The following FBXL2 variants were observed in gnomAD, a reference collection of about 807,000 sequenced individuals.
FBXL2 encodes F-box/LRR-repeat protein 2.
FBXL2 carries 38 observed loss-of-function variants against 69.2 expected under a neutral mutation model. The observed-to-expected ratio is 0.55, with a 90% confidence interval of 0.42 to 0.72. The LOEUF (loss-of-function observed/expected upper bound fraction) is 0.72. FBXL2 is among the 30% of genes least tolerant of loss of function. FBXL2 has a pLI of 0.00. For missense variants in FBXL2, 354 were observed against 520.3 expected (o/e 0.68, Z 3.11); for synonymous variants, 192 against 201.3 (o/e 0.95, Z 0.39).
chr3:33,326,534 C>T (rs962897711), intron 2 of FBXL2, among the ~76,000 whole-genome samples: 7 of 151,570 alleles, frequency 4.6e-5, no homozygotes, highest in African/African-American at 7.3e-5. Context: ...AAGAAAATAC[C>T]GCATAGAATT....
chr3:33,305,591 G>A (rs993929554), intron 2 of FBXL2, among the ~76,000 whole-genome samples: 5 of 151,954 alleles, frequency 3.3e-5, no homozygotes, highest in African/African-American at 1.2e-4. Flanking sequence ...CAGTATGCAC[G>A]TGTTTTTCTG....
At chr3:33,395,109 A>G (rs1327565666) in intron 12 of FBXL2, among the ~76,000 whole-genome samples, 1 of 152,208 alleles carries the variant, frequency 6.6e-6, no homozygotes, top group Non-Finnish European at 1.5e-5. Flanking sequence ...TAAGCTCTTG[A>G]TGATACATGG....
chr3:33,364,874 C>A (rs1216415612), intron 5 of FBXL2, among the ~76,000 whole-genome samples, 155 bp downstream of exon 5: 6 of 152,140 alleles, frequency 3.9e-5, no homozygotes, highest in Admixed American at 1.3e-4. Flanking sequence ...GAATAGCAAA[C>A]CTGGGTTGGA....
At chr3:33,298,534 C>T (rs1302420085) in intron 2 of FBXL2, among the ~76,000 whole-genome samples, 3 of 151,450 alleles carry the variant, frequency 2.0e-5, no homozygotes, top group Non-Finnish European at 4.4e-5. Context: ...ATTAGCCAGG[C>T]GTGGTGGTGC....
intron 2 of FBXL2, among the ~76,000 whole-genome samples, chr3:33,319,250 A>AT (rs546842766): frequency 9.8e-4 from 143 of 146,240 alleles, no homozygotes; most frequent in African/African-American, 1.8e-3. Flanking sequence ...CCTAAGGATG[A>AT]TTTTTTTTTT....
chr3:33,406,012 A>C (rs896275467), downstream of FBXL2, among the ~76,000 whole-genome samples: 1 of 152,248 alleles, frequency 6.6e-6, no homozygotes, highest in Admixed American at 6.5e-5. Flanking sequence ...CAGCTTTCAA[A>C]AAAGAAATCT....
At chr3:33,361,501 G>A (rs955287456) in intron 4 of FBXL2, among the ~76,000 whole-genome samples, 6 of 151,776 alleles carry the variant, frequency 4.0e-5, no homozygotes, top group African/African-American at 1.5e-4. Flanking sequence ...ACAGAGTGGG[G>A]CCCTGTCTCA....
At chr3:33,300,451 G>T (rs1331480031) in intron 2 of FBXL2, 1 of 152,102 alleles carries the variant, frequency 6.6e-6, no homozygotes, top group Non-Finnish European at 1.5e-5. Flanking sequence ...TTTTCAGAAA[G>T]AATTGCCATT....
At chr3:33,311,817 G>A (rs1486365193) in intron 2 of FBXL2, among the ~76,000 whole-genome samples, 1 of 151,978 alleles carries the variant, frequency 6.6e-6, no homozygotes, top group Non-Finnish European at 1.5e-5. Context: ...GTAGAGACGG[G>A]GTTTCACCGT....
chr3:33,365,187 A>T (rs1159555151), intron 5 of FBXL2, among the ~76,000 whole-genome samples: 1 of 152,006 alleles, frequency 6.6e-6, no homozygotes, highest in Admixed American at 6.6e-5. Flanking sequence ...TCATAATGAG[A>T]TGTGATTTTT....
chr3:33,326,340 A>G (rs1342394129), intron 2 of FBXL2, among the ~76,000 whole-genome samples: 6 of 152,084 alleles, frequency 3.9e-5, no homozygotes, highest in Non-Finnish European at 5.9e-5. Flanking sequence ...CTCAACTAAA[A>G]ATACAAAAAA....
At chr3:33,325,318 C>G (rs748395126) in intron 2 of FBXL2, among the ~76,000 whole-genome samples, 4 of 152,184 alleles carry the variant, frequency 2.6e-5, no homozygotes, top group Non-Finnish European at 5.9e-5. Flanking sequence ...GCCAGAACTT[C>G]CAATACTGTG....
intron 12 of FBXL2, chr3:33,397,675 T>C (rs2044060200): frequency 1.3e-5 from 2 of 152,126 alleles, no homozygotes; most frequent in Admixed American, 1.3e-4. Context: ...CATAAACAAC[T>C]CTGTCACAGC....
intron 4 of FBXL2, among the ~76,000 whole-genome samples, chr3:33,360,540 G>C (rs879647768): frequency 6.6e-6 from 1 of 152,122 alleles, no homozygotes; most frequent in Non-Finnish European, 1.5e-5. Flanking sequence ...AAGGATTCAC[G>C]CCCATCCTGG....
intron 2 of FBXL2, among the ~76,000 whole-genome samples, chr3:33,305,340 A>G (rs947864634): frequency 1.3e-5 from 2 of 151,964 alleles, no homozygotes; most frequent in Non-Finnish European, 1.5e-5. Flanking sequence ...CATATGGATT[A>G]TCAATTTTTT....
intron 5 of FBXL2, among the ~76,000 whole-genome samples, chr3:33,368,645 A>C (rs1027954909): frequency 2.6e-5 from 4 of 151,412 alleles, no homozygotes; most frequent in Non-Finnish European, 5.9e-5. Flanking sequence ...CCCAGGCTGG[A>C]GTGCAGTGGA....
chr3:33,403,896 T>C (rs1441666356), downstream of FBXL2, among the ~76,000 whole-genome samples: 2 of 152,168 alleles, frequency 1.3e-5, no homozygotes, highest in Non-Finnish European at 2.9e-5. Context: ...TTCATAATCA[T>C]CCTTCTCTCA....
chr3:33,360,546 C>T (rs1236583316), intron 4 of FBXL2, among the ~76,000 whole-genome samples: 2 of 152,138 alleles, frequency 1.3e-5, no homozygotes, highest in African/African-American at 4.8e-5. Flanking sequence ...TCACGCCCAT[C>T]CTGGAAAGAT....
At chr3:33,365,121 A>T (rs1012340205) in intron 5 of FBXL2, among the ~76,000 whole-genome samples, 2 of 152,172 alleles carry the variant, frequency 1.3e-5, no homozygotes, top group Admixed American at 1.3e-4. Context: ...AATTTTACTA[A>T]TTGATAAAAT....
Sources: gnomAD v4.1 joint callset for allele counts (sites outside exome capture counted in the v4.1 genomes callset) on GRCh38, gnomAD v4.1.1 for gene constraint, MANE v1.5 for transcripts, NCBI Gene and HGNC (gene_info 2026-07-23, HGNC 2026-07-21) for gene names.